BCAR1: variants seen among roughly 807,000 people sequenced by gnomAD.
The protein encoded by BCAR1 is breast cancer anti-estrogen resistance protein 1.
In BCAR1, 30 loss-of-function variants were observed where a neutral mutation model predicts 67.6. That is an observed-to-expected ratio of 0.44 (90% confidence interval 0.33 to 0.60). BCAR1 has a LOEUF of 0.60. Ranked by LOEUF, BCAR1 falls within the 20% of genes least tolerant of loss-of-function variation. BCAR1 has a pLI of 0.02. For synonymous variants in BCAR1, 626 were observed against 556.7 expected, an observed-to-expected ratio of 1.12 and a Z score of -1.75; for missense variants, 1,313 against 1,222.3, an observed-to-expected ratio of 1.07 and a Z score of -1.11.
chr16:75,256,543 A>G (rs2077782330), upstream of BCAR1, among the ~76,000 whole-genome samples: 1 of 152,072 alleles, frequency 6.6e-6, no homozygotes, highest in Admixed American at 6.5e-5. Flanking sequence ...CCTGCACTCC[A>G]AGTCCTGGCC....
Position 75,234,977 on chromosome 16 carries a change from G to A in BCAR1, c.1922C>T (p.Pro641Leu), listed in dbSNP as rs1479468475. 6.2e-7 allele frequency: 1 copy of A among 1,604,658 alleles called. No individual in the cohort carries two copies. The highest frequency in any genetic ancestry group is 8.5e-7 in the Non-Finnish European group (1 of 1,173,232). ...SIQSRPLPSP[P>L]KFTSQDSPDG... ...TGGCGAGTCCTGGGAGGTGAACTTA[G>A]GGGGTGAGGGCAGGGGTCGTGACTG... Residue 641 changes from proline (P) to leucine (L), a missense_variant, in exon 5 of 7, where the codon CCT becomes CTT. Physicochemically the swap from Pro to Leu is moderately conservative, Grantham distance 98. Transcript: ENST00000162330.
intron 4 of BCAR1, 91 bp from the exon 5 acceptor site, chr16:75,236,077 C>CAT: frequency 2.8e-6 from 4 of 1,427,036 alleles, no homozygotes; most frequent in Admixed American, 2.3e-5. Context: ...CACACACACA[C>CAT]GTACACACAT....
intron 1 of BCAR1, chr16:75,248,609 C>G: frequency 5.5e-6 from 1 of 180,218 alleles, no homozygotes; most frequent in Non-Finnish European, 1.2e-5. Context: ...CCTAATACTC[C>G]CACAACAACA....
At chr16:75,253,686 G>A (rs538023541), upstream of BCAR1, among the ~76,000 whole-genome samples, 11 of 152,302 alleles carry the variant, frequency 7.2e-5, 1 homozygote, top group African/African-American at 2.4e-4. Flanking sequence ...TGGCATTTCC[G>A]CTTTGGAAAC....
chr16:75,247,956 T>C (rs1467311849), intron 1 of BCAR1: 4 of 824,672 alleles, frequency 4.9e-6, no homozygotes, highest in Non-Finnish European at 8.4e-6. Flanking sequence ...TTCACAATAA[T>C]AAGAACAGCA....
intron 1 of BCAR1, among the ~76,000 whole-genome samples, chr16:75,243,778 A>C (rs1327283597): frequency 6.6e-6 from 1 of 152,202 alleles, no homozygotes; most frequent in Non-Finnish European, 1.5e-5. Flanking sequence ...GATCAGAGGC[A>C]TGAGTGCCGT....
intron 1 of BCAR1, chr16:75,247,143 A>G (rs76560242): frequency 0.014 from 2,082 of 153,878 alleles, 43 homozygotes; most frequent in African/African-American, 0.047. Context: ...ACATAGCCCA[A>G]TTCACACCCC....
intron 1 of BCAR1, chr16:75,264,566 C>G: frequency 7.4e-7 from 1 of 1,353,244 alleles, no homozygotes. Context: ...TGGCGGGGCT[C>G]ACATCAGCAC....
rs1205459830 is a variant in BCAR1 at position 75,229,496 on chromosome 16, C to T, written c.*15G>A. 6.5e-7 allele frequency: 1 copy of T among 1,540,842 alleles called. No homozygotes were observed. The highest frequency in any genetic ancestry group is 8.7e-7 in the Non-Finnish European group (1 of 1,144,546). ...GCCGCACCCCTCCCCTGCCTCCCTCCTGGGGTCACCACCCTCAGGCGGCTG... is the reference window on the plus strand; with the variant it reads ...GCCGCACCCCTCCCCTGCCTCCCTCTTGGGGTCACCACCCTCAGGCGGCTG... On this transcript the variant is annotated 3_prime_UTR_variant, in exon 7 of 7. Coordinates refer to ENST00000162330, the MANE Select transcript of BCAR1 (RefSeq NM_014567.5).
At chr16:75,230,127 A>C (rs1248618031) in intron 6 of BCAR1, 104 bp from the exon 7 acceptor site, 145 of 1,389,776 alleles carry the variant, frequency 1.0e-4, no homozygotes, top group Non-Finnish European at 1.4e-4. Context: ...AAGGGCCGCT[A>C]CTCAGAGTGC....
At chr16:75,245,578 C>G (rs1232820325) in intron 1 of BCAR1, among the ~76,000 whole-genome samples, 1 of 152,218 alleles carries the variant, frequency 6.6e-6, no homozygotes, top group East Asian at 1.9e-4. Flanking sequence ...GCCTCACAGC[C>G]CAGCCCTGCC....
chr16:75,245,964 C>CTTTTTTTTTTTTTTTTTTTTTTT lies in BCAR1; in HGVS notation c.13-2897_13-2875dup, dbSNP rs60320561. On this transcript the variant is annotated intron_variant, in intron 1 of 6. Transcript: ENST00000162330. ...ACAGCCCTCATTTCATAGGATTGTT[C>CTTTTTTTTTTTTTTTTTTTTTTT]TTTTTTTTTTTTTTTTTTTTTTTTT... is the stretch of plus-strand genomic sequence containing the variant. The CTTTTTTTTTTTTTTTTTTTTTTT allele has an allele frequency of 2.2e-4, 11 of 49,638 alleles. 4 individuals carry two copies. The highest frequency in any genetic ancestry group is 2.3e-4 in the African/African-American group (3 of 13,148). 3.1% of individuals were successfully genotyped at this position (49,638 alleles called of 1,614,324 possible).
At chr16:75,236,726 T>G (rs759435631) in intron 4 of BCAR1, 156 bp downstream of exon 4, 415 of 1,308,634 alleles carry the variant, frequency 3.2e-4, no homozygotes, top group Middle Eastern at 2.2e-3. Flanking sequence ...ACAGCTTGAT[T>G]TCCTCATCTG....
intron 2 of BCAR1, among the ~76,000 whole-genome samples, chr16:75,240,345 C>T (rs1201379824): frequency 6.6e-6 from 1 of 152,182 alleles, no homozygotes; most frequent in African/African-American, 2.4e-5. Flanking sequence ...ACACAGATGT[C>T]CCGCAGCCAG....
intron 2 of BCAR1, among the ~76,000 whole-genome samples, chr16:75,241,748 G>A (rs1241233756): frequency 6.6e-6 from 1 of 152,198 alleles, no homozygotes; most frequent in Non-Finnish European, 1.5e-5. Flanking sequence ...GCACCAATGA[G>A]GTCTCCACCT....
At position 75,238,080 on chromosome 16, in the gene BCAR1, G is replaced by A. The variant is rs567410954; in HGVS notation, c.634-736C>T. 55 of 1,289,084 alleles carry A rather than the reference G, an allele frequency of 4.3e-5. No homozygotes were observed. In the East Asian group the frequency reaches 2.9e-3, roughly 69 times the overall value. The allele number at this position is 1,289,084 out of a possible 1,614,324, so 79.9% of individuals were successfully genotyped here. A position where few individuals can be genotyped will look rare whatever the true frequency, so the allele number is the denominator to read the frequency against. ...TCCAGGGCCAGCCCTCCCCTCCCCA[G>A]GTGCTCTTACCATGACCCAGAGCCC... On this transcript the variant is annotated intron_variant, in intron 2 of 6. Coordinates refer to ENST00000162330, the MANE Select transcript of BCAR1 (RefSeq NM_014567.5).
chr16:75,252,652 G>A (rs1237131752), upstream of BCAR1, among the ~76,000 whole-genome samples: 1 of 152,230 alleles, frequency 6.6e-6, no homozygotes, highest in Non-Finnish European at 1.5e-5. Context: ...GCAATGGGAT[G>A]CCACGAGGCA....
Position 75,236,603 on chromosome 16 carries a change from A to G in BCAR1, c.912+279T>C, listed in dbSNP as rs371544214. 14 of 505,032 alleles carry G rather than the reference A, an allele frequency of 2.8e-5. 1 individual carries two copies. In the South Asian group the frequency reaches 6.3e-4, roughly 23 times the overall value. 31.3% of individuals were successfully genotyped at this position (505,032 alleles called of 1,614,324 possible). A position where few individuals can be genotyped will look rare whatever the true frequency, so the allele number is the denominator to read the frequency against. ...TAGTCCCCCCTTCACTCTTGGAAGT[A>G]TCCCAGGTGAGATGACACATCCCGT... is the stretch of plus-strand genomic sequence containing the variant. On this transcript the variant is annotated intron_variant, in intron 4 of 6. Transcript: ENST00000162330.
chr16:75,243,396 C>A, intron 1 of BCAR1: 1 of 611,614 alleles, frequency 1.6e-6, no homozygotes. Context: ...CCACCCAAGG[C>A]CACTCTGCTA....
Sources: allele counts gnomAD v4.1 joint callset (sites outside exome capture counted in the v4.1 genomes callset), GRCh38; gene constraint gnomAD v4.1.1; transcripts MANE v1.5; gene names NCBI Gene and HGNC (gene_info 2026-07-23, HGNC 2026-07-21).